ELMOD1: variants seen among roughly 807,000 people sequenced by gnomAD.
ELMOD1 encodes the protein ELMO domain-containing protein 1.
ELMOD1 carries 21 observed loss-of-function variants against 46.7 expected under a neutral mutation model. The ratio of observed to expected loss-of-function variants is 0.45; its 90% CI spans 0.32 to 0.65. The LOEUF (loss-of-function observed/expected upper bound fraction) is 0.65. Ranked by LOEUF, ELMOD1 falls within the 30% of genes least tolerant of loss-of-function variation. The pLI, the probability that ELMOD1 is intolerant of heterozygous loss-of-function variation, is 0.04. For synonymous variants in ELMOD1, 122 were observed against 138.2 expected (o/e 0.88, Z 0.82); for missense variants, 348 against 407.8 (o/e 0.85, Z 1.26).
chr11:107,608,641 A>T (rs543447939), intron 1 of ELMOD1, among the ~76,000 whole-genome samples: 5 of 152,318 alleles, frequency 3.3e-5, no homozygotes, highest in Admixed American at 2.6e-4. Flanking sequence ...CTCAGTAAAG[A>T]ATAATATAAA....
intron 10 of ELMOD1, among the ~76,000 whole-genome samples, chr11:107,655,650 T>C (rs943612579): frequency 1.2e-4 from 16 of 130,468 alleles, no homozygotes; most frequent in South Asian, 2.5e-4. Context: ...GGCTACTCCG[T>C]GGGTAGAGCA....
At chr11:107,598,225 A>G (rs1865526648) in intron 1 of ELMOD1, among the ~76,000 whole-genome samples, 1 of 152,198 alleles carries the variant, frequency 6.6e-6, no homozygotes, top group African/African-American at 2.4e-5. Context: ...AAGTCCTACA[A>G]TCTGCTGTCT....
intron 11 of ELMOD1, among the ~76,000 whole-genome samples, chr11:107,659,786 G>A (rs771215493): frequency 3.9e-5 from 6 of 152,060 alleles, no homozygotes; most frequent in Non-Finnish European, 7.4e-5. Flanking sequence ...CTTAGGCCAG[G>A]CGCGGTGGCT....
At chr11:107,650,428 A>G (rs1169278226) in intron 8 of ELMOD1, 25 bp downstream of exon 8, 1 of 1,489,452 alleles carries the variant, frequency 6.7e-7, no homozygotes, top group African/African-American at 1.4e-5. Flanking sequence ...TAAAAGATGA[A>G]TTAGGTTTTA....
chr11:107,617,214 G>A (rs1024608622), intron 1 of ELMOD1, among the ~76,000 whole-genome samples: 5 of 152,156 alleles, frequency 3.3e-5, no homozygotes, highest in Non-Finnish European at 5.9e-5. Context: ...TGTTAAATAA[G>A]AGACTGGCTT....
chr11:107,657,501 C>A (rs1866655716), intron 11 of ELMOD1, among the ~76,000 whole-genome samples: 1 of 152,180 alleles, frequency 6.6e-6, no homozygotes, highest in Non-Finnish European at 1.5e-5. Context: ...GTACTCCAGC[C>A]TGGGTGACAG....
chr11:107,637,417 G>T (rs1177303476), intron 6 of ELMOD1, among the ~76,000 whole-genome samples: 2 of 152,208 alleles, frequency 1.3e-5, no homozygotes, highest in Non-Finnish European at 2.9e-5. Flanking sequence ...ATCTGGCCAG[G>T]TGTGGTGGCT....
At position 107,658,258 on chromosome 11, in the gene ELMOD1, G is replaced by A. The variant is rs930690441; in HGVS notation, c.832+2192G>A. Among the ~76,000 whole-genome samples the A allele has an allele frequency of 9.2e-5, 14 of 152,142 alleles. No homozygotes were observed. In the East Asian group the frequency reaches 2.3e-3, roughly 25 times the overall value. On this transcript the variant is annotated intron_variant, in intron 11 of 11. Coordinates refer to ENST00000265840, the MANE Select transcript of ELMOD1 (RefSeq NM_018712.4). The stretch of plus-strand genomic sequence containing the variant: ...GTTTTGGGGGTTTTTTTGGTTTTTC[G>A]TTTTTGTAACAAGACTTGTTAAACT...
intron 6 of ELMOD1, chr11:107,643,145 C>T (rs1337344776): frequency 5.6e-5 from 10 of 180,166 alleles, no homozygotes. Context: ...AGTTCGAGAC[C>T]AGCCTGGCCA....
intron 1 of ELMOD1, among the ~76,000 whole-genome samples, chr11:107,593,587 G>A (rs1817685844): frequency 6.6e-6 from 1 of 152,198 alleles, no homozygotes; most frequent in African/African-American, 2.4e-5. Flanking sequence ...GTGCATTAAA[G>A]GAAGCGTTCT....
At chr11:107,645,623 CCAGTTTGTGTTTTGATGAATG>C (rs1432941475) in intron 6 of ELMOD1, among the ~76,000 whole-genome samples, 1 of 152,218 alleles carries the variant, frequency 6.6e-6, no homozygotes, top group Non-Finnish European at 1.5e-5. Flanking sequence ...CCGCGCCCGG[CCAGTTTGTGTTTTGATGAATG>C]CAGGGCACTG....
chr11:107,647,752 T>C (rs998805846), intron 7 of ELMOD1, among the ~76,000 whole-genome samples, 151 bp downstream of exon 7: 2 of 152,206 alleles, frequency 1.3e-5, no homozygotes, highest in Non-Finnish European at 2.9e-5. Flanking sequence ...GTTCATAAAA[T>C]GTTAAAAGTG....
intron 2 of ELMOD1, among the ~76,000 whole-genome samples, chr11:107,621,280 C>G (rs1212384285): frequency 2.0e-5 from 3 of 152,212 alleles, no homozygotes; most frequent in African/African-American, 7.2e-5. Flanking sequence ...AGGAAAATAT[C>G]TGCCAAGCTC....
chr11:107,603,883 A>T (rs1241096844), intron 1 of ELMOD1, among the ~76,000 whole-genome samples: 3 of 152,282 alleles, frequency 2.0e-5, no homozygotes, highest in African/African-American at 7.2e-5. Flanking sequence ...GTCTAAAAAA[A>T]AAAAAAGGAA....
chr11:107,643,346 GA>G (rs1343403358), intron 6 of ELMOD1: 1 of 212,882 alleles, frequency 4.7e-6, no homozygotes, highest in Non-Finnish European at 9.2e-6. Context: ...CAGCCTGGGT[GA>G]CAGAATGAGA....
At chr11:107,603,110 CCATCACCAAGTT>C (rs1865629979) in intron 1 of ELMOD1, among the ~76,000 whole-genome samples, 1 of 152,352 alleles carries the variant, frequency 6.6e-6, no homozygotes, top group Non-Finnish European at 1.5e-5. Context: ...TCATTTTCCT[CCATCACCAAGTT>C]CAGAGCCTCT....
rs888322186 is a variant in ELMOD1 at position 107,666,525 on chromosome 11, A to T, written c.*1328A>T. 1 of 152,692 alleles carries T rather than the reference A, an allele frequency of 6.5e-6. No individual in the cohort carries two copies. The highest frequency in any genetic ancestry group is 1.5e-5 in the Non-Finnish European group (1 of 68,050). 9.5% of individuals were successfully genotyped at this position (152,692 alleles called of 1,614,324 possible). A position where few individuals can be genotyped will look rare whatever the true frequency, so the allele number is the denominator to read the frequency against. ...TATCAGTGGAAGAAGTAAGTTGCTT[A>T]GAAAGGGAAAAGTCAAATTGTTCCA... is the stretch of plus-strand genomic sequence containing the variant. On this transcript the variant is annotated 3_prime_UTR_variant, in exon 12 of 12. Coordinates refer to ENST00000265840, the MANE Select transcript of ELMOD1 (RefSeq NM_018712.4).
chr11:107,604,892 A>G (rs1865660990), intron 1 of ELMOD1, among the ~76,000 whole-genome samples: 1 of 152,230 alleles, frequency 6.6e-6, no homozygotes, highest in Admixed American at 6.5e-5. Flanking sequence ...GCTGCTGGAA[A>G]TGCCCCAATT....
intron 1 of ELMOD1, among the ~76,000 whole-genome samples, chr11:107,608,564 G>A (rs892137059): frequency 2.0e-5 from 3 of 152,068 alleles, no homozygotes; most frequent in African/African-American, 7.2e-5. Flanking sequence ...TTGGGTGGGG[G>A]ATATTTTTAC....
Sources: allele counts gnomAD v4.1 joint callset (sites outside exome capture counted in the v4.1 genomes callset), GRCh38; gene constraint gnomAD v4.1.1; transcripts MANE v1.5; gene names NCBI Gene and HGNC (gene_info 2026-07-23, HGNC 2026-07-21).